The following EHD4 variants were observed in gnomAD, a reference collection of about 807,000 sequenced individuals.
EHD4 encodes the protein EH domain-containing protein 4.
Under a neutral mutation model 51.0 loss-of-function variants are expected in EHD4, and 37 were observed. The ratio of observed to expected loss-of-function variants is 0.73; its 90% CI spans 0.56 to 0.95. The LOEUF (loss-of-function observed/expected upper bound fraction) is 0.95, where lower values mean the gene tolerates loss of function less well. Among genes scored for constraint, EHD4 ranks in the 40% least tolerant of loss-of-function variants. EHD4 has a pLI of 0.00. For synonymous variants in EHD4, 297 were observed against 317.3 expected, an observed-to-expected ratio of 0.94 and a Z score of 0.68; for missense variants, 632 against 733.1, an observed-to-expected ratio of 0.86 and a Z score of 1.59.
intron 3 of EHD4, among the ~76,000 whole-genome samples, chr15:41,932,894 G>C (rs889612464): frequency 6.6e-6 from 1 of 152,216 alleles, no homozygotes; most frequent in Non-Finnish European, 1.5e-5. Flanking sequence ...GCTTGGCCGA[G>C]AGGGCCCTCT....
intron 1 of EHD4, among the ~76,000 whole-genome samples, chr15:41,956,010 G>A (rs1447860263): frequency 3.9e-5 from 6 of 152,194 alleles, no homozygotes; most frequent in Admixed American, 3.9e-4. Context: ...CTGCTGGGGA[G>A]GGAGGGGCTT....
Position 41,969,451 on chromosome 15 carries a change from C to T in EHD4, c.236+2808G>A, listed in dbSNP as rs565022146. Reference sequence around the variant, plus strand: ...ATCCCAGCTACTCGGGAGGCTGAGACAGAAGAATTGCTTGAACCCGGGAGG... The same window carrying T: ...ATCCCAGCTACTCGGGAGGCTGAGATAGAAGAATTGCTTGAACCCGGGAGG... On this transcript the variant is annotated intron_variant, in intron 1 of 5. Coordinates refer to ENST00000220325, the MANE Select transcript of EHD4 (RefSeq NM_139265.4). 3.9e-5 allele frequency among the ~76,000 whole-genome samples: 6 copies of T among 152,102 alleles called. No individual in the cohort carries two copies. In the East Asian group the frequency reaches 1.2e-3, roughly 29 times the overall value.
rs1011509892 is a variant in EHD4, at chr15:41,897,348, C to T, written c.*3297G>A. On this transcript the variant is annotated 3_prime_UTR_variant, in exon 6 of 6. Transcript: ENST00000220325. Reference sequence around the variant, plus strand: ...GGAAAGGTCCAGGCCGCGGCTGTGACTCCCGCGGGTGAACCACAGCTCCAC... The same window carrying T: ...GGAAAGGTCCAGGCCGCGGCTGTGATTCCCGCGGGTGAACCACAGCTCCAC... 2.0e-5 allele frequency: 3 copies of T among 152,264 alleles called. No homozygotes were observed. Among genetic ancestry groups the T allele is most frequent in the Non-Finnish European group, 4.4e-5 (3 of 68,050 alleles). The allele number at this position is 152,264 out of a possible 1,614,324, so 9.4% of individuals were successfully genotyped here.
chr15:41,917,836 A>G (rs1000357650), intron 4 of EHD4, among the ~76,000 whole-genome samples: 3 of 152,218 alleles, frequency 2.0e-5, no homozygotes, highest in African/African-American at 7.2e-5. Context: ...CACTTGGACC[A>G]GGAAGAACAG....
At chr15:41,970,509 TATA>T (rs2141012163) in intron 1 of EHD4, among the ~76,000 whole-genome samples, 1 of 152,332 alleles carries the variant, frequency 6.6e-6, no homozygotes, top group Admixed American at 6.5e-5. Flanking sequence ...AGAGTGAGAA[TATA>T]ATGAGAGAGA....
intron 4 of EHD4, among the ~76,000 whole-genome samples, chr15:41,917,096 C>CTTATTTCTTTAT: frequency 7.0e-6 from 1 of 141,880 alleles, no homozygotes; most frequent in Non-Finnish European, 1.5e-5. Flanking sequence ...CTTTCTGCTC[C>CTTATTTCTTTAT]TTATTTATTT....
intron 2 of EHD4, among the ~76,000 whole-genome samples, chr15:41,949,826 CATCTT>C (rs1301761522): frequency 1.3e-5 from 2 of 152,234 alleles, no homozygotes; most frequent in East Asian, 3.9e-4. Flanking sequence ...AATAACATAA[CATCTT>C]ATTCAAAAGC....
At position 41,946,930 on chromosome 15, in the gene EHD4, C is replaced by G. The variant is rs548907815; in HGVS notation, c.414-3766G>C. ...AGCAGTTATAATAATAATAAAATAG[C>G]ACAAACATTTCCTCACCTCTTACTG... On this transcript the variant is annotated intron_variant, in intron 2 of 5. Coordinates refer to ENST00000220325, the MANE Select transcript of EHD4 (RefSeq NM_139265.4). Among the ~76,000 whole-genome samples the G allele has an allele frequency of 3.9e-5, 6 of 152,256 alleles. 1 individual carries two copies. Among genetic ancestry groups the G allele is most frequent in the African/African-American group, 1.4e-4 (6 of 41,534 alleles).
At chr15:41,928,438 C>T (rs1224227993) in intron 3 of EHD4, 1 of 152,292 alleles carries the variant, frequency 6.6e-6, no homozygotes, top group East Asian at 1.9e-4. Flanking sequence ...CCCAGGGACT[C>T]GGATCCTAGA....
At chr15:41,913,410 G>T (rs558228175) in intron 4 of EHD4, among the ~76,000 whole-genome samples, 1 of 152,190 alleles carries the variant, frequency 6.6e-6, no homozygotes, top group African/African-American at 2.4e-5. Context: ...GGAGGAGTAC[G>T]AAAGAGAAGA....
chr15:41,971,901 T>TC (rs1446968372), intron 1 of EHD4, among the ~76,000 whole-genome samples: 1 of 152,140 alleles, frequency 6.6e-6, no homozygotes, highest in Admixed American at 6.5e-5. Context: ...CCTACGCCTC[T>TC]CCCCCCATTT....
chr15:41,966,878 G>C (rs1399623521), intron 1 of EHD4, among the ~76,000 whole-genome samples: 1 of 152,174 alleles, frequency 6.6e-6, no homozygotes, highest in Non-Finnish European at 1.5e-5. Context: ...ACTTTCCCCG[G>C]AGGGTCTCCA....
chr15:41,972,305 T>A lies in EHD4; in HGVS notation c.190A>T (p.Ile64Phe). The A allele has an allele frequency of 6.2e-7, 1 of 1,610,952 alleles. No homozygotes were observed. The change falls in exon 1 of 6, where the codon ATC (isoleucine) becomes TTC (phenylalanine). Residue 64 changes from isoleucine (I) to phenylalanine (F), a missense_variant. Physicochemically the swap from Ile to Phe is conservative, Grantham distance 21 (BLOSUM62 0). Transcript: ENST00000220325. Reference protein sequence around the residue: ...EDADFENKPMILLVGQYSTGK... With the variant: ...EDADFENKPMFLLVGQYSTGK... ...GTGCTGTACTGGCCCACCAGCAGGA[T>A]CATGGGCTTGTTCTCGAAGTCGGCG...
intron 1 of EHD4, among the ~76,000 whole-genome samples, chr15:41,956,982 A>G (rs1014626987): frequency 6.6e-6 from 1 of 152,194 alleles, no homozygotes; most frequent in Non-Finnish European, 1.5e-5. Flanking sequence ...GTGGGGGAAT[A>G]AGTTGGTCTA....
At position 41,897,249 on chromosome 15, in the gene EHD4, T is replaced by C. The variant is rs1213262903; in HGVS notation, c.*3396A>G. 6.6e-6 allele frequency: 1 copy of C among 152,204 alleles called. No homozygotes were observed. Among genetic ancestry groups the C allele is most frequent in the Non-Finnish European group, 1.5e-5 (1 of 68,060 alleles). 9.4% of individuals were successfully genotyped at this position (152,204 alleles called of 1,614,324 possible). A position where few individuals can be genotyped will look rare whatever the true frequency, so the allele number is the denominator to read the frequency against. On this transcript the variant is annotated 3_prime_UTR_variant, in exon 6 of 6. Transcript: ENST00000220325. ...ATGGAGAAAATAAACAGTGAAACAC[T>C]TTCCTCATCTTCAAGGCAATTGTCT...
chr15:41,931,379 G>A (rs962032296), intron 3 of EHD4, among the ~76,000 whole-genome samples: 41 of 152,098 alleles, frequency 2.7e-4, no homozygotes, highest in Non-Finnish European at 2.9e-4. Context: ...TGGGCATGGT[G>A]GTGCATGCCT....
chr15:41,911,021 G>T (rs2067546140), intron 4 of EHD4, among the ~76,000 whole-genome samples: 1 of 152,222 alleles, frequency 6.6e-6, no homozygotes, highest in South Asian at 2.1e-4. Context: ...CTGTAATCTT[G>T]TAGAAGTTGA....
At chr15:41,919,696 T>C in intron 3 of EHD4, 74 bp from the exon 4 acceptor site, 1 of 1,388,374 alleles carries the variant, frequency 7.2e-7, no homozygotes, top group Non-Finnish European at 9.4e-7. Context: ...TCAGGAACAG[T>C]CTCGCTCTCC....
chr15:41,928,960 G>C (rs980073115), intron 3 of EHD4: 7 of 152,272 alleles, frequency 4.6e-5, no homozygotes, highest in African/African-American at 1.7e-4. Context: ...TGCCCGGAGG[G>C]AACACAGGTT....
Sources: allele counts gnomAD v4.1 joint callset (sites outside exome capture counted in the v4.1 genomes callset), GRCh38; gene constraint gnomAD v4.1.1; transcripts MANE v1.5; gene names NCBI Gene and HGNC (gene_info 2026-07-23, HGNC 2026-07-21).